Variants in STRN3 observed in about 807,000 individuals in gnomAD.
STRN3 encodes striatin-3.
In STRN3, 29 loss-of-function variants were observed where a neutral mutation model predicts 95.6. The ratio of observed to expected loss-of-function variants is 0.30; its 90% confidence interval spans 0.23 to 0.41. The LOEUF (loss-of-function observed/expected upper bound fraction) is 0.41, where lower values mean the gene tolerates loss of function less well. STRN3 is among the 10% of genes least tolerant of loss of function. STRN3 has a pLI of 1.00. For synonymous variants in STRN3, 331 were observed against 357.6 expected (o/e 0.93, Z 0.84); for missense variants, 890 against 972.1 (o/e 0.92, Z 1.12).
intron 1 of STRN3, among the ~76,000 whole-genome samples, chr14:30,976,782 T>C (rs1243656739): frequency 6.6e-6 from 1 of 152,208 alleles, no homozygotes; most frequent in Non-Finnish European, 1.5e-5. Context: ...GTCAAAGAAG[T>C]ATCAGGATAA....
At chr14:31,018,035 G>A (rs991566318) in intron 1 of STRN3, among the ~76,000 whole-genome samples, 3 of 146,122 alleles carry the variant, frequency 2.1e-5, no homozygotes, top group East Asian at 2.0e-4. Flanking sequence ...CCGGGATTGC[G>A]CCCACTGCAC....
intron 1 of STRN3, among the ~76,000 whole-genome samples, chr14:30,989,881 T>C (rs1391347906): frequency 6.6e-6 from 1 of 151,988 alleles, no homozygotes; most frequent in African/African-American, 2.4e-5. Flanking sequence ...TGAAATGGGA[T>C]GATTAATATG....
chr14:30,945,247 G>A (rs542057302), intron 5 of STRN3, among the ~76,000 whole-genome samples: 1 of 152,312 alleles, frequency 6.6e-6, no homozygotes, highest in African/African-American at 2.4e-5. Context: ...CCTTGGAAAA[G>A]AGTTTGGCAG....
intron 1 of STRN3, among the ~76,000 whole-genome samples, chr14:30,963,976 G>A (rs1225265126): frequency 6.6e-6 from 1 of 152,288 alleles, no homozygotes; most frequent in Admixed American, 6.5e-5. Flanking sequence ...AAAGAGCCAG[G>A]TGCGATGGCT....
At chr14:30,927,920 G>A (rs145092523) in intron 8 of STRN3, among the ~76,000 whole-genome samples, 1,438 of 118,412 alleles carry the variant, frequency 0.012, 31 homozygotes, top group African/African-American at 0.045. Context: ...GCGACAGAGC[G>A]AGACTCCGTC....
At chr14:30,993,873 T>C (rs1006123057) in intron 1 of STRN3, among the ~76,000 whole-genome samples, 1 of 148,936 alleles carries the variant, frequency 6.7e-6, no homozygotes. Flanking sequence ...AGAGATGGGG[T>C]TTCTTTCTTT....
In STRN3 at chr14:30,894,390, G is replaced by C. The variant is rs1896071844; in HGVS notation, c.*1021C>G. 6.6e-6 allele frequency: 1 copy of C among 152,496 alleles called. No individual in the cohort carries two copies. The highest frequency in any genetic ancestry group is 1.5e-5 in the Non-Finnish European group (1 of 68,006). The allele number at this position is 152,496 out of a possible 1,614,324, so 9.4% of individuals were successfully genotyped here. A position where few individuals can be genotyped will look rare whatever the true frequency, so the allele number is the denominator to read the frequency against. On this transcript the variant is annotated 3_prime_UTR_variant, in exon 18 of 18. Transcript: ENST00000357479. The stretch of plus-strand genomic sequence containing the variant: ...CAAAGAGTTCCAAAATAGATATACA[G>C]GTTCCTTTAGCACATTAATAAAAGG...
At chr14:30,920,780 C>A (rs1361376614) in intron 8 of STRN3, among the ~76,000 whole-genome samples, 1 of 152,058 alleles carries the variant, frequency 6.6e-6, no homozygotes, top group African/African-American at 2.4e-5. Context: ...AAAATTATCA[C>A]ATTTATTATA....
chr14:30,917,694 T>C (rs1170169764), intron 9 of STRN3, among the ~76,000 whole-genome samples: 1 of 149,152 alleles, frequency 6.7e-6, no homozygotes, highest in African/African-American at 2.4e-5. Flanking sequence ...TTTTGAATGA[T>C]TTTGTTACTT....
intron 5 of STRN3, among the ~76,000 whole-genome samples, chr14:30,941,129 G>A (rs1285278215): frequency 6.6e-6 from 1 of 152,134 alleles, no homozygotes; most frequent in Non-Finnish European, 1.5e-5. Context: ...CTGACACATT[G>A]ATCTTAGACT....
intron 5 of STRN3, among the ~76,000 whole-genome samples, chr14:30,945,770 C>T (rs1402228663): frequency 1.3e-5 from 2 of 152,144 alleles, no homozygotes; most frequent in African/African-American, 4.8e-5. Flanking sequence ...CAGAAGACTG[C>T]TTATATGAAA....
intron 3 of STRN3, among the ~76,000 whole-genome samples, chr14:30,955,218 G>A (rs570910506): frequency 4.6e-5 from 7 of 152,226 alleles, no homozygotes; most frequent in African/African-American, 1.7e-4. Context: ...TGCTAAGACT[G>A]AAAGTGTTAA....
Position 30,907,018 on chromosome 14 carries a change from C to A in STRN3, c.1747G>T (p.Val583Phe). ...CCCCAAACTGCATCTGTATGACCAA[C>A]TAAAGTGCCAGCTAGAACATTTGGC... is the stretch of plus-strand genomic sequence containing the variant. ...YEPNVLAGTL[V>F]GHTDAVWGLA... Residue 583 changes from valine to phenylalanine, a missense_variant, in exon 14 of 18, where the codon GTT becomes TTT. Around this residue, in one of 3 missense-constraint regions of STRN3, gnomAD observed 357 missense variants for 422.8 expected, o/e 0.84. Coordinates refer to ENST00000357479, the MANE Select transcript of STRN3 (RefSeq NM_001083893.2). The A allele has an allele frequency of 6.2e-7, 1 of 1,613,158 alleles. No individual in the cohort carries two copies. Among genetic ancestry groups the A allele is most frequent in the Non-Finnish European group, 8.5e-7 (1 of 1,179,606 alleles).
intron 1 of STRN3, chr14:31,025,508 G>T (rs764963520): frequency 1.3e-4 from 27 of 214,322 alleles, no homozygotes; most frequent in Non-Finnish European, 2.6e-4. Flanking sequence ...CTCTCTTCGG[G>T]CTCTTCATCT....
intron 1 of STRN3, among the ~76,000 whole-genome samples, chr14:31,011,579 G>A (rs1594581163): frequency 6.6e-6 from 1 of 152,288 alleles, no homozygotes; most frequent in East Asian, 1.9e-4. Flanking sequence ...GAATGTGAAG[G>A]TTGCTGTGAG....
chr14:30,922,528 C>T (rs1896911201), intron 8 of STRN3, among the ~76,000 whole-genome samples: 2 of 152,300 alleles, frequency 1.3e-5, no homozygotes, highest in Middle Eastern at 3.4e-3. Context: ...TATCTTCCTA[C>T]GCCCTATATA....
At chr14:30,916,394 C>G (rs868164282) in intron 9 of STRN3, among the ~76,000 whole-genome samples, 1 of 151,270 alleles carries the variant, frequency 6.6e-6, no homozygotes, top group Admixed American at 6.6e-5. Context: ...CCTGCCTCAA[C>G]CTCCTGAATA....
intron 9 of STRN3, among the ~76,000 whole-genome samples, chr14:30,913,957 G>C (rs1489388519): frequency 6.6e-6 from 1 of 152,110 alleles, no homozygotes; most frequent in African/African-American, 2.4e-5. Flanking sequence ...TATAACTATA[G>C]TTTACATGTT....
chr14:30,986,223 GA>G (rs999051928), intron 1 of STRN3, among the ~76,000 whole-genome samples: 207 of 152,178 alleles, frequency 1.4e-3, no homozygotes, highest in African/African-American at 4.5e-3. Flanking sequence ...AAAATGCTGA[GA>G]ACAACCAAAG....
Sources: gnomAD v4.1 joint callset for allele counts (sites outside exome capture counted in the v4.1 genomes callset) on GRCh38, gnomAD v4.1.1 for gene constraint, gnomAD v4.1.1 regional missense constraint, MANE v1.5 for transcripts, NCBI Gene and HGNC (gene_info 2026-07-23, HGNC 2026-07-21) for gene names.